Variants in ORC3 observed in about 807,000 individuals in gnomAD.
ORC3 encodes origin recognition complex subunit 3, also known as homolog of latheo, Drosophila.
In ORC3, 78 loss-of-function variants were observed where a neutral mutation model predicts 100.7. The observed-to-expected ratio is 0.77, with a 90% confidence interval of 0.65 to 0.94. The LOEUF is 0.94. Ranked by LOEUF, ORC3 falls within the 40% of genes least tolerant of loss-of-function variation. ORC3 has a pLI of 0.00. For synonymous variants in ORC3, 295 were observed against 289.3 expected (o/e 1.02, Z -0.20); for missense variants, 789 against 823.9 (o/e 0.96, Z 0.52).
chr6:87,644,197 A>G (rs1224380724), intron 13 of ORC3, among the ~76,000 whole-genome samples: 4 of 139,012 alleles, frequency 2.9e-5, no homozygotes, highest in African/African-American at 1.1e-4. Flanking sequence ...GGTTCACGCC[A>G]TTCTCCTGCC....
rs570578489 is a variant in ORC3, at chr6:87,659,834, A to T, written c.1691+1816A>T. Among the ~76,000 whole-genome samples, 14 of 152,112 alleles carry T rather than the reference A, an allele frequency of 9.2e-5. No homozygotes were observed. In the South Asian group the frequency reaches 2.3e-3, roughly 25 times the overall value. ...GAGGCAGAGGTTGCAGTGAGCTGAG[A>T]TCGCACCACTGCACTCCAGCCTAGG... On this transcript the variant is annotated intron_variant, in intron 16 of 19. Coordinates refer to ENST00000392844, the MANE Select transcript of ORC3 (RefSeq NM_012381.4).
downstream of ORC3, among the ~76,000 whole-genome samples, chr6:87,671,340 G>A (rs554764147): frequency 3.3e-5 from 5 of 152,222 alleles, no homozygotes; most frequent in South Asian, 1.0e-3. Flanking sequence ...ATCAGATGAA[G>A]GATGTGAGGA....
intron 14 of ORC3, 79 bp downstream of exon 14, chr6:87,653,328 G>A (rs1476686817): frequency 1.5e-6 from 2 of 1,343,602 alleles, no homozygotes; most frequent in African/African-American, 1.4e-5. Flanking sequence ...CCCACCTTCT[G>A]ATGTGCTTAG....
At chr6:87,654,552 G>A (rs905238506) in intron 14 of ORC3, among the ~76,000 whole-genome samples, 2 of 152,144 alleles carry the variant, frequency 1.3e-5, no homozygotes, top group African/African-American at 4.8e-5. Flanking sequence ...GCTAGCTAGT[G>A]GTAGCACTCA....
At chr6:87,607,851 C>T (rs1480449743) in intron 6 of ORC3, 27 bp downstream of exon 6, 33 of 1,551,762 alleles carry the variant, frequency 2.1e-5, no homozygotes, top group Non-Finnish European at 2.8e-5. Context: ...GATTTTCTCC[C>T]AGGAAATTGA....
the ORC3 span, among the ~76,000 whole-genome samples, chr6:87,674,507 T>C: frequency 6.6e-6 from 1 of 151,514 alleles, no homozygotes; most frequent in Non-Finnish European, 1.5e-5. Context: ...TGAATCATGC[T>C]TTTGCATATC....
chr6:87,625,144 C>T (rs926771655), intron 11 of ORC3, among the ~76,000 whole-genome samples: 1 of 152,026 alleles, frequency 6.6e-6, no homozygotes, highest in Non-Finnish European at 1.5e-5. Flanking sequence ...TGAATAGTGC[C>T]GCAATAAACA....
intron 7 of ORC3, among the ~76,000 whole-genome samples, chr6:87,609,698 C>G (rs1301603899): frequency 1.3e-5 from 2 of 151,750 alleles, no homozygotes; most frequent in African/African-American, 4.8e-5. Context: ...ATTACAGGTG[C>G]CCACCACCAC....
chr6:87,606,966 A>C (rs1778388094), intron 5 of ORC3, among the ~76,000 whole-genome samples: 1 of 152,266 alleles, frequency 6.6e-6, no homozygotes, highest in Non-Finnish European at 1.5e-5. Context: ...AGGCATCTTT[A>C]AAAATGGCTA....
intron 13 of ORC3, among the ~76,000 whole-genome samples, chr6:87,645,822 T>C (rs1272289776): frequency 1.3e-5 from 2 of 152,132 alleles, no homozygotes; most frequent in African/African-American, 2.4e-5. Flanking sequence ...TGATTCTCTT[T>C]CTTAGTTAAG....
chr6:87,591,429 A>G (rs1776937023), intron 1 of ORC3, among the ~76,000 whole-genome samples: 1 of 152,216 alleles, frequency 6.6e-6, no homozygotes, highest in Non-Finnish European at 1.5e-5. Context: ...CTCAAGGAAA[A>G]AGGACAAGCC....
chr6:87,648,580 A>G (rs1768991222), intron 13 of ORC3, among the ~76,000 whole-genome samples: 1 of 152,214 alleles, frequency 6.6e-6, no homozygotes, highest in Non-Finnish European at 1.5e-5. Context: ...CAGCTTTGCC[A>G]ATTACCAGCT....
chr6:87,611,361 T>C (rs1778753455), intron 7 of ORC3, among the ~76,000 whole-genome samples: 1 of 152,190 alleles, frequency 6.6e-6, no homozygotes, highest in Admixed American at 6.5e-5. Context: ...AGAAAAGCTG[T>C]ACTTTTTTTT....
At position 87,628,222 on chromosome 6, in the gene ORC3, G is replaced by A. The variant is rs528439098; in HGVS notation, c.1185+6209G>A. The stretch of plus-strand genomic sequence containing the variant: ...ATCAGGATAAACAGCTAATGCATGC[G>A]GGGCTTAATACCTAGATGATGGGTT... On this transcript the variant is annotated intron_variant, in intron 11 of 19. Transcript: ENST00000392844. 5.5e-4 allele frequency among the ~76,000 whole-genome samples: 83 copies of A among 152,266 alleles called. 1 individual carries two copies. Among genetic ancestry groups the A allele is most frequent in the African/African-American group, 1.9e-3 (80 of 41,554 alleles).
intron 13 of ORC3, among the ~76,000 whole-genome samples, chr6:87,644,883 T>A (rs920364699): frequency 6.6e-6 from 1 of 151,994 alleles, no homozygotes; most frequent in African/African-American, 2.4e-5. Context: ...AGTATGTGTA[T>A]ATTTGAACTT....
intron 2 of ORC3, among the ~76,000 whole-genome samples, chr6:87,596,227 A>G (rs543593676): frequency 6.7e-6 from 1 of 148,690 alleles, no homozygotes; most frequent in African/African-American, 2.5e-5. Context: ...TCCGCCTCCC[A>G]GGTTCAAGCG....
rs1414695777 is a variant in ORC3, at chr6:87,602,957, A to T, written c.178-427A>T. On this transcript the variant is annotated intron_variant, in intron 3 of 19. Transcript: ENST00000392844. ...TTATATATATATACACATATATAATATATATATATATATACATATATATAT... is the reference window on the plus strand; with the variant it reads ...TTATATATATATACACATATATAATTTATATATATATATACATATATATAT... 7.5e-3 allele frequency among the ~76,000 whole-genome samples: 698 copies of T among 93,178 alleles called. 21 individuals are homozygous for T. Among genetic ancestry groups the T allele is most frequent in the African/African-American group, 0.028 (633 of 22,424 alleles). 61.1% of individuals were successfully genotyped at this position (93,178 alleles called of 152,430 possible).
chr6:87,608,401 G>T (rs1419607603), intron 6 of ORC3, among the ~76,000 whole-genome samples: 1 of 152,128 alleles, frequency 6.6e-6, no homozygotes, highest in East Asian at 1.9e-4. Context: ...CTAGGTAATT[G>T]CGTCATAAAA....
chr6:87,607,102 AC>A (rs1241112249), intron 5 of ORC3, among the ~76,000 whole-genome samples: 1 of 152,170 alleles, frequency 6.6e-6, no homozygotes, highest in Admixed American at 6.5e-5. Context: ...TTGCATATCT[AC>A]ACATTTGCTT....
Sources: gnomAD v4.1 joint callset for allele counts (sites outside exome capture counted in the v4.1 genomes callset) on GRCh38, gnomAD v4.1.1 for gene constraint, MANE v1.5 for transcripts, NCBI Gene and HGNC (gene_info 2026-07-23, HGNC 2026-07-21) for gene names.